Variants in ARHGAP26 observed in about 807,000 individuals in gnomAD.
ARHGAP26 encodes the protein rho GTPase-activating protein 26.
ARHGAP26 carries 38 observed loss-of-function variants against 104.8 expected under a neutral mutation model. That is an observed-to-expected ratio of 0.36 (90% CI 0.28 to 0.48). The LOEUF is 0.48. ARHGAP26 is among the 20% of genes least tolerant of loss of function. ARHGAP26 has a pLI of 0.99. For synonymous variants in ARHGAP26, 341 were observed against 340.0 expected (o/e 1.00, Z -0.03); for missense variants, 704 against 947.9 (o/e 0.74, Z 3.38).
chr5:142,993,283 C>T (rs1417324816), intron 11 of ARHGAP26, among the ~76,000 whole-genome samples: 1 of 151,640 alleles, frequency 6.6e-6, no homozygotes, highest in Non-Finnish European at 1.5e-5. Context: ...CATTCTCCTG[C>T]CTCAGCCTCC....
intron 16 of ARHGAP26, 51 bp from the exon 17 acceptor site, chr5:143,057,591 G>A: frequency 6.7e-7 from 1 of 1,488,764 alleles, no homozygotes; most frequent in Non-Finnish European, 9.3e-7. Context: ...CAACCTTAAA[G>A]TTGTTTAGCT....
intron 1 of ARHGAP26, among the ~76,000 whole-genome samples, chr5:142,854,279 C>T (rs1445529711): frequency 6.6e-6 from 1 of 152,182 alleles, no homozygotes; most frequent in Non-Finnish European, 1.5e-5. Flanking sequence ...CTCCCTGCCT[C>T]ATAAGGAAGG....
intron 1 of ARHGAP26, among the ~76,000 whole-genome samples, chr5:142,858,174 G>C (rs1460842880): frequency 2.0e-5 from 3 of 151,760 alleles, no homozygotes; most frequent in African/African-American, 7.3e-5. Context: ...TGATGTATTA[G>C]AAGGGATGGT....
At chr5:143,149,884 C>T (rs1014535922) in intron 20 of ARHGAP26, among the ~76,000 whole-genome samples, 1 of 152,136 alleles carries the variant, frequency 6.6e-6, no homozygotes, top group African/African-American at 2.4e-5. Flanking sequence ...CTTTATTTCA[C>T]TATTTTTCAT....
At chr5:142,906,606 A>T (rs1023515593) in intron 8 of ARHGAP26, among the ~76,000 whole-genome samples, 1 of 152,200 alleles carries the variant, frequency 6.6e-6, no homozygotes. Context: ...GCTATAATTT[A>T]TAACTGTCCT....
intron 12 of ARHGAP26, among the ~76,000 whole-genome samples, chr5:143,020,704 T>C (rs1780221836): frequency 7.1e-6 from 1 of 140,558 alleles, no homozygotes; most frequent in Non-Finnish European, 1.5e-5. Context: ...AGTGGCATGA[T>C]CTCCGCTCAC....
At chr5:143,084,986 A>G (rs891536236) in intron 17 of ARHGAP26, among the ~76,000 whole-genome samples, 2 of 146,232 alleles carry the variant, frequency 1.4e-5, no homozygotes, top group Non-Finnish European at 3.0e-5. Flanking sequence ...CGGAGGTTAC[A>G]GTGAGCCGAG....
intron 20 of ARHGAP26, among the ~76,000 whole-genome samples, chr5:143,161,258 C>T (rs969230578): frequency 6.6e-6 from 1 of 151,958 alleles, no homozygotes; most frequent in East Asian, 1.9e-4. Flanking sequence ...GTGATCCACC[C>T]GTCTTGGCCT....
chr5:142,872,158 A>G (rs1755412550), intron 1 of ARHGAP26, among the ~76,000 whole-genome samples: 1 of 151,742 alleles, frequency 6.6e-6, no homozygotes, highest in African/African-American at 2.4e-5. Context: ...TATTCAGCAT[A>G]CACTGAGCAG....
intron 11 of ARHGAP26, among the ~76,000 whole-genome samples, chr5:142,988,897 T>C (rs1033257420): frequency 1.3e-5 from 2 of 152,174 alleles, no homozygotes; most frequent in African/African-American, 4.8e-5. Context: ...TGCTGAGGAG[T>C]GCTTTACTTC....
chr5:142,992,663 G>A (rs1018322242), intron 11 of ARHGAP26, among the ~76,000 whole-genome samples: 3 of 151,960 alleles, frequency 2.0e-5, no homozygotes, highest in Non-Finnish European at 4.4e-5. Context: ...TCCTGACCTC[G>A]TGATCCGCCT....
chr5:142,849,460 T>C lies in ARHGAP26; in HGVS notation c.155-23940T>C, dbSNP rs569657546. ...GCCGTGAGATTTTGCTAACATTCCT[T>C]CTCTGTGTTGAAATTCTCTCCTCCT... On this transcript the variant is annotated intron_variant, in intron 1 of 22. Transcript: ENST00000645722. Among the ~76,000 whole-genome samples the C allele has an allele frequency of 2.0e-4, 30 of 152,312 alleles. No homozygotes were observed. The South Asian group carries it at 6.2e-3, about 32-fold the overall frequency.
intron 20 of ARHGAP26, among the ~76,000 whole-genome samples, chr5:143,204,039 C>T (rs1358042932): frequency 6.7e-6 from 1 of 150,172 alleles, no homozygotes; most frequent in African/African-American, 2.5e-5. Flanking sequence ...GCACATTCTG[C>T]ACATGTATCC....
chr5:143,078,639 CA>C (rs1437210269), intron 17 of ARHGAP26, among the ~76,000 whole-genome samples: 1 of 152,182 alleles, frequency 6.6e-6, no homozygotes, highest in Non-Finnish European at 1.5e-5. Flanking sequence ...AGACAATTGA[CA>C]ATTGCTTCTC....
intron 1 of ARHGAP26, among the ~76,000 whole-genome samples, chr5:142,833,877 A>G (rs1254056512): frequency 3.3e-5 from 5 of 152,008 alleles, no homozygotes; most frequent in African/African-American, 1.2e-4. Flanking sequence ...TCAAACTACC[A>G]CTTGGAAATA....
intron 1 of ARHGAP26, among the ~76,000 whole-genome samples, chr5:142,844,882 A>G (rs1426641167): frequency 2.0e-5 from 3 of 151,376 alleles, no homozygotes; most frequent in African/African-American, 4.9e-5. Flanking sequence ...GAACTCTTTT[A>G]ATTGATTGTA....
intron 19 of ARHGAP26, among the ~76,000 whole-genome samples, chr5:143,143,385 G>A (rs1798789113): frequency 6.6e-6 from 1 of 152,178 alleles, no homozygotes; most frequent in African/African-American, 2.4e-5. Flanking sequence ...GGAAAGTGAA[G>A]TCGCTTAGCT....
chr5:142,837,966 T>G (rs563989736), intron 1 of ARHGAP26, among the ~76,000 whole-genome samples: 1 of 152,108 alleles, frequency 6.6e-6, no homozygotes, highest in Non-Finnish European at 1.5e-5. Flanking sequence ...AGGTATGACA[T>G]GTTGAGGGTA....
chr5:142,770,509 TC>T lies in ARHGAP26; in HGVS notation c.-251del, dbSNP rs1187333362. 5.1e-6 allele frequency: 1 copy of T among 194,270 alleles called. No homozygotes were observed. Among genetic ancestry groups the T allele is most frequent in the Non-Finnish European group, 1.1e-5 (1 of 94,520 alleles). 12.0% of individuals were successfully genotyped at this position (194,270 alleles called of 1,614,324 possible). A position where few individuals can be genotyped will look rare whatever the true frequency, so the allele number is the denominator to read the frequency against. On this transcript the variant is annotated 5_prime_UTR_variant, in exon 1 of 23. Transcript: ENST00000645722. The stretch of plus-strand genomic sequence containing the variant: ...GCTCGCTTCCCGGCGCCGCTGCGGG[TC>T]CGCGCTGCGTTTCCTGCTCGCGATC...
Sources: gnomAD v4.1 joint callset for allele counts (sites outside exome capture counted in the v4.1 genomes callset) on GRCh38, gnomAD v4.1.1 for gene constraint, MANE v1.5 for transcripts, NCBI Gene and HGNC (gene_info 2026-07-23, HGNC 2026-07-21) for gene names.